HK1: variants seen among roughly 807,000 people sequenced by gnomAD.
The protein encoded by HK1 is hexokinase-1.
In HK1, 28 loss-of-function variants were observed where a neutral mutation model predicts 91.6. The observed-to-expected ratio is 0.31, with a 90% CI of 0.23 to 0.42. HK1 has a LOEUF of 0.42. Among genes scored for constraint, HK1 ranks in the 10% least tolerant of loss-of-function variants. The probability of loss-of-function intolerance (pLI) is 1.00; values close to 1 mark genes in which losing one functional copy is unlikely to be tolerated. For synonymous variants in HK1, 430 were observed against 468.1 expected, an observed-to-expected ratio of 0.92 and a Z score of 1.05; for missense variants, 770 against 1,219.8, an observed-to-expected ratio of 0.63 and a Z score of 5.49.
intron 3 of HK1, among the ~76,000 whole-genome samples, chr10:69,289,265 C>T (rs969990169): frequency 6.6e-6 from 1 of 152,096 alleles, no homozygotes. Flanking sequence ...GCAGGGGCCA[C>T]TTGTGTTCTG....
intron 14 of HK1, 158 bp downstream of exon 14, chr10:69,389,454 C>G: frequency 1.7e-6 from 1 of 573,952 alleles, no homozygotes; most frequent in Non-Finnish European, 3.3e-6. Flanking sequence ...TGGACGAAGG[C>G]AGCAGAGTCT....
rs1849089085 is a variant in HK1 at position 69,355,634 on chromosome 10, AC to A, written c.227-4262del. On this transcript the variant is annotated intron_variant, in intron 2 of 17. Coordinates refer to ENST00000359426, the MANE Select transcript of HK1 (RefSeq NM_000188.3). ...GTGAAACCCCGTCTCTACTAAAAAT[AC>A]AAAAAAATTAGCCAGTTGTGGTGGC... Among the ~76,000 whole-genome samples the A allele has an allele frequency of 2.0e-5, 3 of 152,160 alleles. No homozygotes were observed. In the South Asian group the frequency reaches 6.2e-4, roughly 32 times the overall value.
chr10:69,310,142 C>T (rs1846301603), intron 5 of HK1, among the ~76,000 whole-genome samples: 1 of 149,048 alleles, frequency 6.7e-6, no homozygotes, highest in South Asian at 2.1e-4. Context: ...AAAATCTGGC[C>T]AGGCATGGTG....
At chr10:69,344,098 T>C (rs1848430473) in intron 2 of HK1, 109 bp downstream of exon 2, 1 of 1,111,216 alleles carries the variant, frequency 9.0e-7, no homozygotes, top group Admixed American at 1.8e-5. Context: ...CACCATTCCA[T>C]CAATCTGCTC....
intron 15 of HK1, among the ~76,000 whole-genome samples, chr10:69,394,674 T>C (rs1840056120): frequency 2.0e-5 from 3 of 151,988 alleles, no homozygotes; most frequent in African/African-American, 7.3e-5. Context: ...GAAGTGACCT[T>C]GGGGCTGAGA....
chr10:69,290,631 C>T (rs190471146), intron 3 of HK1, among the ~76,000 whole-genome samples: 15 of 152,194 alleles, frequency 9.9e-5, no homozygotes, highest in Non-Finnish European at 1.6e-4. Flanking sequence ...CCCCAGTAGC[C>T]GGGATTACAG....
At chr10:69,357,576 A>C (rs570775434) in intron 2 of HK1, among the ~76,000 whole-genome samples, 1 of 152,022 alleles carries the variant, frequency 6.6e-6, no homozygotes, top group South Asian at 2.1e-4. Flanking sequence ...TCAGTCTCCA[A>C]GTAGCTGGGA....
At chr10:69,351,951 C>T (rs78057989) in intron 2 of HK1, among the ~76,000 whole-genome samples, 20,290 of 151,686 alleles carry the variant, frequency 0.13, 1,530 homozygotes, top group South Asian at 0.27. Context: ...GACTCACCTG[C>T]GAGGAGCTAC....
At chr10:69,358,483 G>C (rs1849245223) in intron 2 of HK1, among the ~76,000 whole-genome samples, 1 of 152,144 alleles carries the variant, frequency 6.6e-6, no homozygotes, top group Non-Finnish European at 1.5e-5. Context: ...GCATCCTCTG[G>C]GTGGAAACAA....
chr10:69,387,360 C>G (rs913539592), intron 13 of HK1, among the ~76,000 whole-genome samples: 21 of 152,162 alleles, frequency 1.4e-4, no homozygotes, highest in Non-Finnish European at 2.6e-4. Flanking sequence ...GCAATCTTGG[C>G]TCACTGCAAC....
intron 1 of HK1, among the ~76,000 whole-genome samples, chr10:69,340,469 T>C (rs1848232690): frequency 1.3e-5 from 2 of 152,196 alleles, no homozygotes; most frequent in Non-Finnish European, 2.9e-5. Context: ...AGGCTGGTCT[T>C]GAACTCCTGA....
chr10:69,306,179 A>G (rs112862822), intron 5 of HK1, among the ~76,000 whole-genome samples: 3,992 of 151,696 alleles, frequency 0.026, 184 homozygotes, highest in African/African-American at 0.091. Flanking sequence ...ACAGTGAAAC[A>G]CCGTCTCTAC....
At chr10:69,325,549 G>A (rs1564513624) in intron 1 of HK1, among the ~76,000 whole-genome samples, 1 of 145,194 alleles carries the variant, frequency 6.9e-6, no homozygotes, top group Non-Finnish European at 1.5e-5. Context: ...TTTTTGAGAT[G>A]GGGTCTCACT....
At chr10:69,382,829 C>A (rs779366464) in intron 10 of HK1, 38 bp downstream of exon 10, 3 of 1,596,602 alleles carry the variant, frequency 1.9e-6, no homozygotes, top group Admixed American at 1.7e-5. Context: ...CTGTCCTGCT[C>A]CTGCCAGGAA....
At chr10:69,271,143 G>A (rs1047977900) in intron 1 of HK1, 5 of 152,142 alleles carry the variant, frequency 3.3e-5, no homozygotes, top group African/African-American at 1.2e-4. Context: ...ATAAATATCT[G>A]TAATACAACA....
intron 15 of HK1, among the ~76,000 whole-genome samples, chr10:69,394,402 C>G (rs1392848651): frequency 1.3e-5 from 2 of 152,192 alleles, no homozygotes; most frequent in African/African-American, 4.8e-5. Context: ...TCCTTTAAGA[C>G]TTAGCCCAGT....
At chr10:69,324,506 C>A (rs998399640) in intron 1 of HK1, among the ~76,000 whole-genome samples, 10 of 152,136 alleles carry the variant, frequency 6.6e-5, no homozygotes, top group Non-Finnish European at 1.3e-4. Context: ...GCAGAAGAAT[C>A]ACTTGAACCT....
intron 13 of HK1, among the ~76,000 whole-genome samples, chr10:69,387,468 G>T (rs1478065870): frequency 1.3e-5 from 2 of 152,034 alleles, no homozygotes; most frequent in Non-Finnish European, 2.9e-5. Flanking sequence ...TGTGTTTTTG[G>T]TAAAGATGGT....
chr10:69,376,997 G>A lies in HK1; in HGVS notation c.939G>A (p.Met313Ile), dbSNP rs1212200606. The change falls in exon 8 of 18, where the codon ATG becomes ATA. Residue 313 changes from methionine (M) to isoleucine (I), a missense_variant. Physicochemically the swap from Met to Ile is conservative, Grantham distance 10. Around this residue, in one of 7 missense-constraint regions of HK1, gnomAD observed 449 missense variants for 665.1 expected, o/e 0.68. Coordinates refer to ENST00000359426, the MANE Select transcript of HK1 (RefSeq NM_000188.3). ...TGGTTCGACTGATCCTAGTCAAGAT[G>A]GCCAAGGAGGGCCTCTTATTTGAAG... ...GELVRLILVK[M>I]AKEGLLFEGR... The A allele has an allele frequency of 1.1e-5, 17 of 1,614,066 alleles. No homozygotes were observed. The highest frequency in any genetic ancestry group is 2.2e-5 in the South Asian group (2 of 91,076).
Sources: gnomAD v4.1 joint callset for allele counts (sites outside exome capture counted in the v4.1 genomes callset) on GRCh38, gnomAD v4.1.1 for gene constraint, gnomAD v4.1.1 regional missense constraint, MANE v1.5 for transcripts, NCBI Gene and HGNC (gene_info 2026-07-23, HGNC 2026-07-21) for gene names.